Variants in OPCML observed in about 807,000 individuals in gnomAD.
The protein encoded by OPCML is opioid binding protein/cell adhesion molecule like.
Under a neutral mutation model 37.8 loss-of-function variants are expected in OPCML, and 13 were observed. That is an observed-to-expected ratio of 0.34 (90% CI 0.22 to 0.55). The LOEUF is 0.55. Ranked by LOEUF, OPCML falls within the 20% of genes least tolerant of loss-of-function variation. The probability of loss-of-function intolerance (pLI) is 0.91; values close to 1 mark genes in which losing one functional copy is unlikely to be tolerated. For missense variants in OPCML, 341 were observed against 435.6 expected (o/e 0.78, Z 1.93); for synonymous variants, 176 against 168.8 (o/e 1.04, Z -0.33).
rs963929008 is a variant in OPCML, at chr11:132,418,676, A to C, written c.*1517T>G. The C allele has an allele frequency of 6.6e-6, 1 of 152,550 alleles. No individual in the cohort carries two copies. Among genetic ancestry groups the C allele is most frequent in the East Asian group, 1.9e-4 (1 of 5,188 alleles). The allele number at this position is 152,550 out of a possible 1,614,324, so 9.4% of individuals were successfully genotyped here. ...GCTTTTTACTGGATAGTTTTCAAAC[A>C]GATTAAACCAGAACTGGAGCAGAAA... On this transcript the variant is annotated 3_prime_UTR_variant, in exon 8 of 8. Coordinates refer to ENST00000524381, the MANE Select transcript of OPCML (RefSeq NM_001012393.5).
chr11:132,607,006 G>A (rs189987493), intron 3 of OPCML, among the ~76,000 whole-genome samples: 80 of 152,258 alleles, frequency 5.3e-4, no homozygotes, highest in African/African-American at 1.8e-3. Context: ...TAGAGAAAAA[G>A]GGTTATATTT....
At chr11:133,350,686 T>C (rs981293647) in intron 1 of OPCML, among the ~76,000 whole-genome samples, 1 of 152,180 alleles carries the variant, frequency 6.6e-6, no homozygotes, top group East Asian at 1.9e-4. Flanking sequence ...TGTTTTACCT[T>C]AAGGAGAAGC....
At chr11:133,199,082 T>G (rs1938655348) in intron 1 of OPCML, among the ~76,000 whole-genome samples, 1 of 152,048 alleles carries the variant, frequency 6.6e-6, no homozygotes, top group Admixed American at 6.6e-5. Context: ...AGGAGAAGTG[T>G]TAAGCTGGCT....
chr11:132,521,364 A>C (rs2096293210), intron 4 of OPCML, among the ~76,000 whole-genome samples: 1 of 152,180 alleles, frequency 6.6e-6, no homozygotes, highest in Admixed American at 6.5e-5. Context: ...TTTGCTGTGC[A>C]GAAGCTCTTT....
At chr11:132,555,685 G>A (rs1279813625) in intron 3 of OPCML, among the ~76,000 whole-genome samples, 4 of 152,112 alleles carry the variant, frequency 2.6e-5, no homozygotes, top group South Asian at 4.1e-4. Context: ...ATGAAGGCGC[G>A]TAGACTTCTG....
At chr11:132,632,356 T>C (rs961480720) in intron 3 of OPCML, among the ~76,000 whole-genome samples, 18 of 151,702 alleles carry the variant, frequency 1.2e-4, no homozygotes, top group Non-Finnish European at 4.4e-5. Context: ...AAAAGGTTCC[T>C]TTGCATTCGT....
intron 1 of OPCML, among the ~76,000 whole-genome samples, chr11:133,448,371 C>T (rs1044581414): frequency 7.2e-5 from 11 of 152,254 alleles, no homozygotes; most frequent in Admixed American, 3.3e-4. Flanking sequence ...ATTTTTTCCC[C>T]GAACATTCAA....
chr11:132,958,599 G>A (rs1210069032), intron 1 of OPCML, among the ~76,000 whole-genome samples: 1 of 152,204 alleles, frequency 6.6e-6, no homozygotes. Context: ...TTAAGGACAG[G>A]CTGACTCTCC....
intron 1 of OPCML, among the ~76,000 whole-genome samples, chr11:133,274,172 T>G (rs1235194187): frequency 6.6e-6 from 1 of 152,176 alleles, no homozygotes; most frequent in Admixed American, 6.5e-5. Context: ...ACATGTTCAT[T>G]ACTGAGCACT....
chr11:133,365,112 A>T (rs569529379), intron 1 of OPCML, among the ~76,000 whole-genome samples: 1 of 151,568 alleles, frequency 6.6e-6, no homozygotes, highest in Non-Finnish European at 1.5e-5. Flanking sequence ...CCTGGGAACC[A>T]CTGCTGTGCA....
chr11:133,389,463 A>G (rs1379378296), intron 1 of OPCML, among the ~76,000 whole-genome samples: 1 of 152,200 alleles, frequency 6.6e-6, no homozygotes, highest in East Asian at 1.9e-4. Flanking sequence ...TTGTTTCCTT[A>G]TAGAAAACAT....
At chr11:133,478,187 G>C (rs74491409) in intron 1 of OPCML, among the ~76,000 whole-genome samples, 1 of 152,136 alleles carries the variant, frequency 6.6e-6, no homozygotes, top group South Asian at 2.1e-4. Flanking sequence ...CCTGAGCTTC[G>C]AGACATCGGG....
chr11:132,519,492 G>T (rs1175720819), intron 4 of OPCML, among the ~76,000 whole-genome samples: 1 of 152,062 alleles, frequency 6.6e-6, no homozygotes, highest in Non-Finnish European at 1.5e-5. Context: ...TCACCCAAAA[G>T]GAGCATAAAT....
intron 1 of OPCML, among the ~76,000 whole-genome samples, chr11:133,405,927 C>T (rs1423488655): frequency 1.3e-5 from 2 of 152,070 alleles, no homozygotes; most frequent in Non-Finnish European, 2.9e-5. Context: ...GCATGACCTC[C>T]GCTGGCCACT....
intron 1 of OPCML, chr11:133,006,527 T>C (rs904768760): frequency 3.0e-6 from 3 of 985,302 alleles, no homozygotes; most frequent in South Asian, 4.7e-5. Flanking sequence ...GTTACCCCAA[T>C]TGTAACTAAT....
At chr11:132,836,050 A>T (rs1940983957) in intron 2 of OPCML, among the ~76,000 whole-genome samples, 1 of 152,196 alleles carries the variant, frequency 6.6e-6, no homozygotes, top group African/African-American at 2.4e-5. Context: ...TGTGCTGAAT[A>T]CTGGTTCCTG....
chr11:132,870,321 T>C (rs887066777), intron 2 of OPCML, among the ~76,000 whole-genome samples: 8 of 152,130 alleles, frequency 5.3e-5, no homozygotes, highest in Non-Finnish European at 8.8e-5. Flanking sequence ...AATTATTTAC[T>C]CACATGTCAG....
chr11:132,618,722 T>C (rs894707867), intron 3 of OPCML, among the ~76,000 whole-genome samples: 1 of 152,174 alleles, frequency 6.6e-6, no homozygotes, highest in African/African-American at 2.4e-5. Flanking sequence ...AAGTGTACAG[T>C]TTTGTGGCAT....
intron 1 of OPCML, among the ~76,000 whole-genome samples, chr11:133,113,453 A>G (rs895959289): frequency 1.3e-5 from 2 of 152,312 alleles, no homozygotes; most frequent in South Asian, 2.1e-4. Context: ...ACAGAACTAC[A>G]TTTGTTTTTA....
Sources: allele counts gnomAD v4.1 joint callset (sites outside exome capture counted in the v4.1 genomes callset), GRCh38; gene constraint gnomAD v4.1.1; transcripts MANE v1.5; gene names NCBI Gene and HGNC (gene_info 2026-07-23, HGNC 2026-07-21).